The following SGCD variants were observed in gnomAD, a reference collection of about 807,000 sequenced individuals.
SGCD encodes sarcoglycan delta, also known as delta-sarcoglycan.
SGCD carries 18 observed loss-of-function variants against 36.6 expected under a neutral mutation model. The observed-to-expected ratio is 0.49, with a 90% CI of 0.34 to 0.73. The LOEUF is 0.73. Ranked by LOEUF, SGCD falls within the 30% of genes least tolerant of loss-of-function variation. SGCD has a pLI of 0.01. For synonymous variants in SGCD, 133 were observed against 130.6 expected (o/e 1.02, Z -0.12); for missense variants, 387 against 346.7 (o/e 1.12, Z -0.92).
At chr5:156,081,734 A>G (rs1354148096) in intron 1 of SGCD, among the ~76,000 whole-genome samples, 1 of 152,106 alleles carries the variant, frequency 6.6e-6, no homozygotes, top group African/African-American at 2.4e-5. Context: ...TTTTCTCTGT[A>G]AGGGCAAAGG....
chr5:155,992,380 T>G (rs1490625316), intron 1 of SGCD, among the ~76,000 whole-genome samples: 1 of 152,186 alleles, frequency 6.6e-6, no homozygotes, highest in Non-Finnish European at 1.5e-5. Flanking sequence ...TTGGAAACCG[T>G]AGCTTGTCTC....
chr5:156,617,222 C>A (rs542015108), intron 6 of SGCD, among the ~76,000 whole-genome samples: 1 of 152,196 alleles, frequency 6.6e-6, no homozygotes, highest in Non-Finnish European at 1.5e-5. Context: ...AAATGTCTCA[C>A]AACTCACCTG....
intron 3 of SGCD, among the ~76,000 whole-genome samples, chr5:156,315,389 T>G (rs1162033072): frequency 6.6e-6 from 1 of 151,946 alleles, no homozygotes; most frequent in Non-Finnish European, 1.5e-5. Flanking sequence ...GGCAGCAGGA[T>G]TTACCTTGTT....
chr5:155,901,930 C>T (rs767542135), intron 1 of SGCD, among the ~76,000 whole-genome samples: 3 of 152,168 alleles, frequency 2.0e-5, no homozygotes, highest in Non-Finnish European at 2.9e-5. Context: ...ACCCAAAGTA[C>T]AGATTTCTCA....
At position 156,508,629 on chromosome 5, in the gene SGCD, A is replaced by T; in HGVS notation, c.221A>T (p.Glu74Val). The change falls in exon 4 of 9, where the codon GAA becomes GTA. Residue 74 changes from glutamate to valine, a missense_variant. Transcript: ENST00000337851. ...GGAATGGGAAACCTGAGGATCACAG[A>T]AAAAGGTCTAAAGCTAGAAGGAGAC... ...IDGMGNLRIT[E>V]KGLKLEGDSE... The T allele has an allele frequency of 1.2e-6, 2 of 1,607,900 alleles. No homozygotes were observed. Among genetic ancestry groups the T allele is most frequent in the Non-Finnish European group, 1.7e-6 (2 of 1,174,896 alleles).
At chr5:156,406,838 A>T (rs2127766643) in intron 3 of SGCD, among the ~76,000 whole-genome samples, 1 of 139,600 alleles carries the variant, frequency 7.2e-6, no homozygotes, top group Middle Eastern at 3.7e-3. Flanking sequence ...ACACACACAC[A>T]CACATATATA....
At position 156,250,800 on chromosome 5, in the gene SGCD, C is replaced by G. The variant is rs779942361; in HGVS notation, c.-43-78734C>G. 5.7e-4 allele frequency among the ~76,000 whole-genome samples: 86 copies of G among 152,000 alleles called. 1 individual carries two copies. The Middle Eastern group carries it at 0.017, about 30-fold the overall frequency. Reference sequence around the variant, plus strand: ...AAAGTCCTTCGTTTGGAGTCAATGCCAATAAAAAATGAATCTAAGATGGAA... The same window carrying G: ...AAAGTCCTTCGTTTGGAGTCAATGCGAATAAAAAATGAATCTAAGATGGAA... On this transcript the variant is annotated intron_variant, in intron 3 of 9. Transcript: ENST00000517913.
At chr5:155,734,659 A>G in the SGCD span, among the ~76,000 whole-genome samples, 1 of 152,206 alleles carries the variant, frequency 6.6e-6, no homozygotes, top group Non-Finnish European at 1.5e-5. Context: ...TATTTTTAAA[A>G]ACCCATTGCT....
At chr5:156,720,651 A>G (rs1337339657) in intron 7 of SGCD, among the ~76,000 whole-genome samples, 1 of 152,222 alleles carries the variant, frequency 6.6e-6, no homozygotes, top group African/African-American at 2.4e-5. Flanking sequence ...GCCTGAAATC[A>G]GGGTCATGAA....
At chr5:155,811,506 T>C in the SGCD span, among the ~76,000 whole-genome samples, 1 of 152,242 alleles carries the variant, frequency 6.6e-6, no homozygotes, top group Non-Finnish European at 1.5e-5. Flanking sequence ...CTTGCTGTGA[T>C]AATTTTGTAT....
chr5:156,390,811 TTG>T (rs1771522795), intron 3 of SGCD, among the ~76,000 whole-genome samples: 1 of 152,184 alleles, frequency 6.6e-6, no homozygotes, highest in African/African-American at 2.4e-5. Context: ...AAGAAAATAT[TTG>T]TGTACAGCTG....
At chr5:156,007,239 C>T (rs1205679058) in intron 1 of SGCD, among the ~76,000 whole-genome samples, 1 of 152,140 alleles carries the variant, frequency 6.6e-6, no homozygotes, top group East Asian at 1.9e-4. Context: ...GCACCCTCAC[C>T]ACACTGGGTG....
At chr5:155,855,295 G>A in the SGCD span, among the ~76,000 whole-genome samples, 1 of 152,080 alleles carries the variant, frequency 6.6e-6, no homozygotes, top group East Asian at 1.9e-4. Context: ...CTCTGAAGCT[G>A]TTCTACACTG....
At chr5:156,444,729 A>G (rs1434128777) in intron 3 of SGCD, among the ~76,000 whole-genome samples, 1 of 152,146 alleles carries the variant, frequency 6.6e-6, no homozygotes, top group Non-Finnish European at 1.5e-5. Context: ...TCATTACAGT[A>G]TATAATGAAT....
intron 6 of SGCD, among the ~76,000 whole-genome samples, chr5:156,635,535 G>T (rs1762792826): frequency 6.6e-6 from 1 of 152,050 alleles, no homozygotes; most frequent in Non-Finnish European, 1.5e-5. Flanking sequence ...CCATTACTGG[G>T]TATATACCCA....
At chr5:156,130,839 G>A (rs1228470258) in intron 3 of SGCD, among the ~76,000 whole-genome samples, 1 of 151,914 alleles carries the variant, frequency 6.6e-6, no homozygotes, top group East Asian at 1.9e-4. Context: ...TGATTCTCCT[G>A]CCTCATCCTC....
At chr5:155,813,206 T>C in the SGCD span, among the ~76,000 whole-genome samples, 2 of 152,040 alleles carry the variant, frequency 1.3e-5, no homozygotes, top group Non-Finnish European at 2.9e-5. Context: ...TGGGATGCTA[T>C]GTAGCAAGCT....
intron 1 of SGCD, among the ~76,000 whole-genome samples, chr5:156,088,794 G>T (rs999294358): frequency 6.6e-6 from 1 of 152,098 alleles, no homozygotes; most frequent in South Asian, 2.1e-4. Flanking sequence ...CTTATTTGTG[G>T]TTTTTCTTAA....
Position 155,905,766 on chromosome 5 carries a change from A to G in SGCD, c.-282+35342A>G, listed in dbSNP as rs570980217. Among the ~76,000 whole-genome samples the G allele has an allele frequency of 2.0e-5, 3 of 152,160 alleles. No individual in the cohort carries two copies. In the East Asian group the frequency reaches 5.8e-4, roughly 29 times the overall value. Reference sequence around the variant, plus strand: ...AAGTCTCACGAGATCTGATGGGTTTATCAGGGGTTTCTGCTTTTGCTTTTT... The same window carrying G: ...AAGTCTCACGAGATCTGATGGGTTTGTCAGGGGTTTCTGCTTTTGCTTTTT... On this transcript the variant is annotated intron_variant, in intron 1 of 9. Coordinates refer to the SGCD transcript ENST00000517913.
Sources: allele counts gnomAD v4.1 joint callset (sites outside exome capture counted in the v4.1 genomes callset), GRCh38; gene constraint gnomAD v4.1.1; transcripts MANE v1.5; gene names NCBI Gene and HGNC (gene_info 2026-07-23, HGNC 2026-07-21).